Variants in NBEA observed in about 807,000 individuals in gnomAD.
The protein encoded by NBEA is neurobeachin.
NBEA carries 44 observed loss-of-function variants against 343.4 expected under a neutral mutation model. That is an observed-to-expected ratio of 0.13 (90% CI 0.10 to 0.16). NBEA has a LOEUF of 0.16. Among genes scored for constraint, NBEA ranks in the 10% least tolerant of loss-of-function variants. NBEA has a pLI of 1.00. For synonymous variants in NBEA, 1,175 were observed against 1,238.7 expected, an observed-to-expected ratio of 0.95 and a Z score of 1.08; for missense variants, 2,555 against 3,631.3, an observed-to-expected ratio of 0.70 and a Z score of 7.62.
intron 10 of NBEA, among the ~76,000 whole-genome samples, chr13:35,091,280 C>G (rs555612856): frequency 6.6e-6 from 1 of 151,860 alleles, no homozygotes; most frequent in Non-Finnish European, 1.5e-5. Context: ...AACTAAAGCC[C>G]CAGCGTTTTG....
At chr13:35,181,278 T>C (rs762755923) in intron 28 of NBEA, among the ~76,000 whole-genome samples, 13 of 151,892 alleles carry the variant, frequency 8.6e-5, no homozygotes, top group Non-Finnish European at 1.5e-4. Flanking sequence ...CTAGTTTTCA[T>C]TCCCACCAGC....
chr13:35,037,361 G>A (rs1012366781), intron 1 of NBEA, among the ~76,000 whole-genome samples: 10 of 152,030 alleles, frequency 6.6e-5, no homozygotes, highest in African/African-American at 2.4e-4. Context: ...CTCTGTGAAA[G>A]GTCACACACA....
At chr13:35,499,333 A>T (rs990582394) in intron 41 of NBEA, among the ~76,000 whole-genome samples, 1 of 152,082 alleles carries the variant, frequency 6.6e-6, no homozygotes, top group Non-Finnish European at 1.5e-5. Context: ...GGTCAAGTAT[A>T]AGAGGCACTT....
intron 38 of NBEA, among the ~76,000 whole-genome samples, chr13:35,383,641 T>C (rs2042108995): frequency 6.6e-6 from 1 of 152,060 alleles, no homozygotes; most frequent in South Asian, 2.1e-4. Flanking sequence ...GCAGGCATCC[T>C]CCTAGCCCAG....
chr13:35,633,998 G>T (rs1373312853), intron 49 of NBEA, among the ~76,000 whole-genome samples: 2 of 151,996 alleles, frequency 1.3e-5, no homozygotes, highest in Admixed American at 1.3e-4. Flanking sequence ...ATTCTTTCTT[G>T]ATCTAAATTA....
intron 40 of NBEA, among the ~76,000 whole-genome samples, chr13:35,452,981 T>C (rs1362848374): frequency 6.6e-6 from 1 of 152,202 alleles, no homozygotes; most frequent in Non-Finnish European, 1.5e-5. Context: ...ACCTTAAAAA[T>C]GCCTGCTTCA....
chr13:35,318,722 G>A (rs976049036), intron 36 of NBEA, among the ~76,000 whole-genome samples: 13 of 152,188 alleles, frequency 8.5e-5, no homozygotes, highest in African/African-American at 1.7e-4. Flanking sequence ...CTATGAATCC[G>A]TCTGGTCCTG....
chr13:35,198,758 A>T, intron 31 of NBEA, among the ~76,000 whole-genome samples: 1 of 152,000 alleles, frequency 6.6e-6, no homozygotes, highest in East Asian at 1.9e-4. Context: ...GATATTGATG[A>T]AAGGAGGGGA....
At chr13:34,945,564 G>T (rs572841376) in intron 1 of NBEA, among the ~76,000 whole-genome samples, 1 of 152,052 alleles carries the variant, frequency 6.6e-6, no homozygotes, top group Non-Finnish European at 1.5e-5. Flanking sequence ...AATCTAAAAT[G>T]ATTTTTTAAA....
At position 35,507,606 on chromosome 13, in the gene NBEA, C is replaced by T. The variant is rs544987768; in HGVS notation, c.6585+35070C>T. On this transcript the variant is annotated intron_variant, in intron 41 of 58. Transcript: ENST00000379939. The stretch of plus-strand genomic sequence containing the variant: ...TTTCAGCTCTTTCAATCCAGTTGTT[C>T]GAGCCAAAACCTTGGAGTTAATTTG... Among the ~76,000 whole-genome samples the T allele has an allele frequency of 8.5e-5, 13 of 152,208 alleles. No individual in the cohort carries two copies. In the South Asian group the frequency reaches 2.1e-3, roughly 24 times the overall value.
intron 48 of NBEA, among the ~76,000 whole-genome samples, chr13:35,608,021 AC>A (rs1225486685): frequency 6.6e-6 from 1 of 152,110 alleles, no homozygotes; most frequent in Non-Finnish European, 1.5e-5. Context: ...ATTTTCTGTC[AC>A]TTTTCTTTTG....
chr13:35,131,907 A>G (rs2067450967), intron 17 of NBEA, among the ~76,000 whole-genome samples: 1 of 152,220 alleles, frequency 6.6e-6, no homozygotes, highest in Non-Finnish European at 1.5e-5. Flanking sequence ...AAAGAACGTA[A>G]CTAATCCCTG....
At chr13:35,135,717 TAAA>T (rs1369460142) in intron 17 of NBEA, among the ~76,000 whole-genome samples, 4 of 151,956 alleles carry the variant, frequency 2.6e-5, no homozygotes, top group Admixed American at 1.3e-4. Flanking sequence ...GGAATAAACT[TAAA>T]GAAGGGGTGT....
In NBEA at chr13:35,159,211, A is replaced by G. The variant is rs997866887; in HGVS notation, c.3040A>G (p.Ser1014Gly). ...TCTTTCACAAAGCCAGAGCCCAGAA[A>G]GTGAGACCGATTACCCTGTCAGCAC... is the stretch of plus-strand genomic sequence containing the variant. ...EDLSQSQSPESETDYPVSTDT... is the reference protein window; with the variant it reads ...EDLSQSQSPEGETDYPVSTDT... The change falls in exon 22 of 59, where the codon AGT (serine) becomes GGT (glycine). Residue 1014 changes from serine to glycine, a missense_variant. By Grantham distance (56) the Ser-to-Gly change is moderately conservative. Transcript: ENST00000379939. 1.9e-6 allele frequency: 3 copies of G among 1,613,536 alleles called. No homozygotes were observed. The highest frequency in any genetic ancestry group is 1.7e-6 in the Non-Finnish European group (2 of 1,179,678).
intron 35 of NBEA, among the ~76,000 whole-genome samples, chr13:35,306,703 C>G (rs1035931292): frequency 6.6e-6 from 1 of 151,974 alleles, no homozygotes; most frequent in Non-Finnish European, 1.5e-5. Context: ...GGTCCTTTCT[C>G]TTTCTGTTTT....
intron 38 of NBEA, among the ~76,000 whole-genome samples, chr13:35,359,519 G>A (rs1015524431): frequency 5.4e-5 from 8 of 148,592 alleles, no homozygotes; most frequent in African/African-American, 2.0e-4. Context: ...CAAAAAAATA[G>A]TTTAGTTATA....
At chr13:35,467,308 C>T (rs909109364) in intron 40 of NBEA, among the ~76,000 whole-genome samples, 1 of 152,128 alleles carries the variant, frequency 6.6e-6, no homozygotes, top group Admixed American at 6.5e-5. Flanking sequence ...ACCATCTCTA[C>T]TAAAAATACA....
Position 35,504,476 on chromosome 13 carries a change from C to T in NBEA, c.6585+31940C>T, listed in dbSNP as rs139394491. On this transcript the variant is annotated intron_variant, in intron 41 of 58. Coordinates refer to ENST00000379939, the MANE Select transcript of NBEA (RefSeq NM_001385012.1). ...TGAGACCGTTTTGTCTCATCTCACA[C>T]CCATCCCACTTCACTCTTGGACTTC... is the stretch of plus-strand genomic sequence containing the variant. Among the ~76,000 whole-genome samples, 37 of 152,260 alleles carry T rather than the reference C, an allele frequency of 2.4e-4. 1 individual carries two copies. The highest frequency in any genetic ancestry group is 8.7e-4 in the African/African-American group (36 of 41,546).
intron 48 of NBEA, among the ~76,000 whole-genome samples, chr13:35,613,777 C>T (rs1460358965): frequency 6.6e-6 from 1 of 151,928 alleles, no homozygotes; most frequent in Non-Finnish European, 1.5e-5. Context: ...CATGCCACCA[C>T]ACCCAGCTAA....
Sources: allele counts gnomAD v4.1 joint callset (sites outside exome capture counted in the v4.1 genomes callset), GRCh38; gene constraint gnomAD v4.1.1; transcripts MANE v1.5; gene names NCBI Gene and HGNC (gene_info 2026-07-23, HGNC 2026-07-21).